The following LRMDA variants were observed in gnomAD, a reference collection of about 807,000 sequenced individuals.
LRMDA encodes the protein leucine rich melanocyte differentiation associated.
Under a neutral mutation model 29.8 loss-of-function variants are expected in LRMDA, and 18 were observed. The ratio of observed to expected loss-of-function variants is 0.60; its 90% CI spans 0.42 to 0.90. The LOEUF is 0.90. Among genes scored for constraint, LRMDA ranks in the 40% least tolerant of loss-of-function variants. LRMDA has a pLI of 0.00. For missense variants in LRMDA, 273 were observed against 273.9 expected (o/e 1.00, Z 0.02); for synonymous variants, 125 against 109.4 (o/e 1.14, Z -0.89).
At chr10:75,935,645 AC>A (rs2132404620) in intron 2 of LRMDA, among the ~76,000 whole-genome samples, 1 of 152,354 alleles carries the variant, frequency 6.6e-6, no homozygotes, top group South Asian at 2.1e-4. Context: ...GGTTTTGACA[AC>A]CTTAATGGAA....
chr10:75,547,299 G>A (rs1840091507), intron 2 of LRMDA, among the ~76,000 whole-genome samples: 1 of 152,196 alleles, frequency 6.6e-6, no homozygotes, highest in South Asian at 2.1e-4. Flanking sequence ...TTTAGGCATG[G>A]ATAAGGAGGA....
rs73282615 is a variant in LRMDA, at chr10:75,713,379, G to A, written c.131+274885G>A. Among the ~76,000 whole-genome samples, 1,257 of 152,226 alleles carry A rather than the reference G, an allele frequency of 8.3e-3. 21 individuals carry two copies. The highest frequency in any genetic ancestry group is 0.028 in the African/African-American group (1,172 of 41,526). On this transcript the variant is annotated intron_variant, in intron 2 of 6. Coordinates refer to ENST00000611255, the MANE Select transcript of LRMDA (RefSeq NM_001305581.2). The stretch of plus-strand genomic sequence containing the variant: ...GTTAAAATTAATGCAATCGCTGATT[G>A]CACAAAACAGCAGAAGATAAATTAT...
At chr10:75,638,404 A>G (rs1454037013) in intron 2 of LRMDA, among the ~76,000 whole-genome samples, 3 of 152,218 alleles carry the variant, frequency 2.0e-5, no homozygotes, top group Non-Finnish European at 4.4e-5. Context: ...ACCAAGCCCT[A>G]CTGCAAGCCA....
intron 6 of LRMDA, among the ~76,000 whole-genome samples, chr10:76,551,701 G>T (rs1030890503): frequency 3.9e-5 from 6 of 152,156 alleles, no homozygotes; most frequent in Admixed American, 3.9e-4. Flanking sequence ...GGTACCGGGT[G>T]TTAGAAATTG....
chr10:75,721,875 C>T (rs899587168), intron 2 of LRMDA, among the ~76,000 whole-genome samples: 4 of 152,202 alleles, frequency 2.6e-5, no homozygotes, highest in East Asian at 1.9e-4. Flanking sequence ...CATAGATCTT[C>T]GTAGCAACAA....
chr10:75,525,592 C>CTTTCTT (rs1554897112), intron 2 of LRMDA, among the ~76,000 whole-genome samples: 6 of 129,718 alleles, frequency 4.6e-5, no homozygotes, highest in Non-Finnish European at 9.6e-5. Flanking sequence ...TTCTTTCTTT[C>CTTTCTT]TTTTTTTTTT....
chr10:75,810,473 G>A (rs1224808802), intron 2 of LRMDA, among the ~76,000 whole-genome samples: 2 of 152,198 alleles, frequency 1.3e-5, no homozygotes, highest in African/African-American at 4.8e-5. Flanking sequence ...GCATAGTGGA[G>A]CTGAAGGAAC....
chr10:75,955,542 A>G (rs1423592170), intron 2 of LRMDA, among the ~76,000 whole-genome samples: 1 of 152,192 alleles, frequency 6.6e-6, no homozygotes, highest in Non-Finnish European at 1.5e-5. Context: ...ACCAGACCAC[A>G]TTTTCATGGC....
intron 2 of LRMDA, among the ~76,000 whole-genome samples, chr10:75,471,288 GT>G (rs1844723271): frequency 6.6e-6 from 1 of 150,698 alleles, no homozygotes; most frequent in Non-Finnish European, 1.5e-5. Flanking sequence ...GTTCATCTGT[GT>G]TTAAAAAGCT....
At chr10:76,365,107 T>C (rs142820209) in intron 6 of LRMDA, among the ~76,000 whole-genome samples, 1,150 of 61,256 alleles carry the variant, frequency 0.019, 89 homozygotes, top group Middle Eastern at 0.044. Flanking sequence ...TATATATATA[T>C]ACACACACAC....
intron 2 of LRMDA, among the ~76,000 whole-genome samples, chr10:75,495,019 CTT>C (rs1845028207): frequency 6.6e-6 from 1 of 152,202 alleles, no homozygotes; most frequent in African/African-American, 2.4e-5. Flanking sequence ...TTTAAGGAGT[CTT>C]TTTAGAAATC....
At chr10:75,871,777 A>G (rs1845115492) in intron 2 of LRMDA, among the ~76,000 whole-genome samples, 1 of 152,144 alleles carries the variant, frequency 6.6e-6, no homozygotes, top group African/African-American at 2.4e-5. Context: ...GGTTTGTTTG[A>G]TATCAGCTTA....
At chr10:76,495,803 C>T (rs528012953) in intron 6 of LRMDA, among the ~76,000 whole-genome samples, 8 of 150,656 alleles carry the variant, frequency 5.3e-5, no homozygotes, top group East Asian at 2.0e-4. Context: ...TTTCAGATTC[C>T]ACCTGTCCAT....
chr10:76,220,724 C>T (rs900593112), intron 5 of LRMDA, among the ~76,000 whole-genome samples: 3 of 152,138 alleles, frequency 2.0e-5, no homozygotes, highest in African/African-American at 7.2e-5. Context: ...CCTTCTGAAA[C>T]TATTCCAATC....
chr10:75,729,033 G>A (rs1244494562), intron 2 of LRMDA, among the ~76,000 whole-genome samples: 2 of 152,086 alleles, frequency 1.3e-5, no homozygotes. Context: ...TGCCTTCTCT[G>A]GGAAGGCTTT....
chr10:76,244,801 G>A (rs1852345064), intron 5 of LRMDA, among the ~76,000 whole-genome samples: 1 of 152,160 alleles, frequency 6.6e-6, no homozygotes, highest in South Asian at 2.1e-4. Context: ...TGCAGGCTGG[G>A]GAAGTCAGTG....
At chr10:76,510,302 C>G (rs952416698) in intron 6 of LRMDA, among the ~76,000 whole-genome samples, 1 of 152,172 alleles carries the variant, frequency 6.6e-6, no homozygotes, top group South Asian at 2.1e-4. Flanking sequence ...AACTCCTGAC[C>G]TCAGGGAATC....
At chr10:75,512,996 G>C (rs554546379) in intron 2 of LRMDA, among the ~76,000 whole-genome samples, 1 of 152,030 alleles carries the variant, frequency 6.6e-6, no homozygotes, top group African/African-American at 2.4e-5. Context: ...GGGTTTTCTC[G>C]GTTTGGGGAG....
intron 5 of LRMDA, among the ~76,000 whole-genome samples, chr10:76,143,514 C>A (rs893297428): frequency 1.3e-5 from 2 of 151,906 alleles, no homozygotes; most frequent in African/African-American, 4.8e-5. Flanking sequence ...CTGTTCATAT[C>A]CTTTGCCCAC....
Sources: allele counts gnomAD v4.1 joint callset (sites outside exome capture counted in the v4.1 genomes callset), GRCh38; gene constraint gnomAD v4.1.1; transcripts MANE v1.5; gene names NCBI Gene and HGNC (gene_info 2026-07-23, HGNC 2026-07-21).